Variants in TAF3 observed in about 807,000 individuals in gnomAD.
The protein encoded by TAF3 is TATA-box binding protein associated factor 3.
TAF3 carries 7 observed loss-of-function variants against 80.6 expected under a neutral mutation model. That is an observed-to-expected ratio of 0.09 (90% CI 0.05 to 0.16). The LOEUF is 0.16. Ranked by LOEUF, TAF3 falls within the 10% of genes least tolerant of loss-of-function variation. The pLI is 1.00. For missense variants in TAF3, 921 were observed against 1,140.2 expected (o/e 0.81, Z 2.77); for synonymous variants, 444 against 446.1 (o/e 1.00, Z 0.06).
intron 3 of TAF3, among the ~76,000 whole-genome samples, chr10:7,976,724 A>G (rs1831677115): frequency 6.6e-6 from 1 of 152,068 alleles, no homozygotes; most frequent in Admixed American, 6.5e-5. Context: ...CTTTTACAGC[A>G]TTTCAGATTG....
chr10:7,952,739 G>T (rs1223648459), intron 2 of TAF3, among the ~76,000 whole-genome samples: 1 of 152,052 alleles, frequency 6.6e-6, no homozygotes, highest in Non-Finnish European at 1.5e-5. Flanking sequence ...TTGTGTTATT[G>T]ATTGGTTGTA....
At chr10:7,832,058 A>G (rs1217969736) in intron 2 of TAF3, among the ~76,000 whole-genome samples, 3 of 151,968 alleles carry the variant, frequency 2.0e-5, no homozygotes, top group East Asian at 1.9e-4. Context: ...TTTAAAACTT[A>G]CTCTCTTAAT....
intron 2 of TAF3, among the ~76,000 whole-genome samples, chr10:7,859,467 AG>A: frequency 6.6e-6 from 1 of 152,144 alleles, no homozygotes; most frequent in Non-Finnish European, 1.5e-5. Flanking sequence ...GGAGAATAGT[AG>A]GGACCCATAT....
rs770740115 is a variant in TAF3 at position 7,963,891 on chromosome 10, TTTTTTCTTCC to T, written c.410-15_410-6del. On this transcript the variant is annotated intron_variant, in intron 2 of 6. Transcript: ENST00000344293. ...TTTGTTACATTCCAATAATATTTAT[TTTTTTCTTCC>T]TTTTTCTTCCTTTACCAGAAGAAGA... The T allele has an allele frequency of 7.9e-6, 12 of 1,514,864 alleles. No homozygotes were observed. In the South Asian group the frequency reaches 9.7e-5, roughly 12 times the overall value. The allele number at this position is 1,514,864 out of a possible 1,614,324, so 93.8% of individuals were successfully genotyped here. A position where few individuals can be genotyped will look rare whatever the true frequency, so the allele number is the denominator to read the frequency against.
chr10:7,957,792 GCGCTCTCTCTCTCTCT>G lies in TAF3; in HGVS notation c.410-6126_410-6111del, dbSNP rs1258686696. Among the ~76,000 whole-genome samples, 15 of 134,288 alleles carry G rather than the reference GCGCTCTCTCTCTCTCT, an allele frequency of 1.1e-4. No individual in the cohort carries two copies. In the East Asian group the frequency reaches 2.4e-3, roughly 21 times the overall value. The allele number at this position is 134,288 out of a possible 152,430, so 88.1% of individuals were successfully genotyped here. Reference sequence around the variant, plus strand: ...CTGTCTGTCTCACGCTCTCTCTAGCGCGCTCTCTCTCTCTCTCTCTCTCTCTCTCTCTCTCGATGTT... The same window carrying G: ...CTGTCTGTCTCACGCTCTCTCTAGCGCTCTCTCTCTCTCTCTCTCGATGTT... On this transcript the variant is annotated intron_variant, in intron 2 of 6. Transcript: ENST00000344293.
At chr10:7,906,907 CTT>C (rs1484448131) in intron 2 of TAF3, among the ~76,000 whole-genome samples, 1 of 151,638 alleles carries the variant, frequency 6.6e-6, no homozygotes, top group Non-Finnish European at 1.5e-5. Context: ...CTGTTGGTCT[CTT>C]TTTGCCTCTT....
chr10:7,854,348 G>C (rs1184421801), intron 2 of TAF3, among the ~76,000 whole-genome samples: 1 of 152,156 alleles, frequency 6.6e-6, no homozygotes, highest in Admixed American at 6.5e-5. Context: ...AAGATAACTG[G>C]AAGGAATTAT....
At chr10:7,976,312 T>C (rs1187136778) in intron 3 of TAF3, among the ~76,000 whole-genome samples, 2 of 151,258 alleles carry the variant, frequency 1.3e-5, no homozygotes, top group Non-Finnish European at 2.9e-5. Context: ...AGTGGCACAA[T>C]CTCAGCTCAC....
At chr10:7,947,942 G>A (rs1204875724) in intron 2 of TAF3, among the ~76,000 whole-genome samples, 1 of 152,176 alleles carries the variant, frequency 6.6e-6, no homozygotes, top group Non-Finnish European at 1.5e-5. Flanking sequence ...CCCATGTACA[G>A]ACAGGAAATG....
chr10:7,981,807 CT>C (rs144990815), intron 4 of TAF3, among the ~76,000 whole-genome samples: 2,296 of 152,250 alleles, frequency 0.015, 61 homozygotes, highest in African/African-American at 0.052. Flanking sequence ...CAGAGTTTAA[CT>C]TAAGCCTTGT....
chr10:7,935,932 C>T (rs1837915202), intron 2 of TAF3, among the ~76,000 whole-genome samples: 1 of 152,092 alleles, frequency 6.6e-6, no homozygotes, highest in African/African-American at 2.4e-5. Context: ...CTCGGGGAAG[C>T]CCTGCGTGGA....
intron 2 of TAF3, among the ~76,000 whole-genome samples, chr10:7,833,125 A>T (rs1332104373): frequency 6.6e-6 from 1 of 152,230 alleles, no homozygotes; most frequent in African/African-American, 2.4e-5. Flanking sequence ...CACTTAGGTT[A>T]TTTCTGTAAC....
intron 2 of TAF3, among the ~76,000 whole-genome samples, chr10:7,824,930 C>A (rs757566385): frequency 5.3e-5 from 8 of 152,208 alleles, no homozygotes; most frequent in Non-Finnish European, 8.8e-5. Flanking sequence ...GCTTATTATT[C>A]AGGCCATGAG....
intron 2 of TAF3, among the ~76,000 whole-genome samples, chr10:7,845,318 G>A (rs11255398): frequency 0.18 from 26,095 of 142,216 alleles, 2,286 homozygotes; most frequent in Admixed American, 0.24. Context: ...GTGTGTGTGC[G>A]TGTGTGTGTG....
At chr10:8,007,569 T>TAG (rs1832007567) in intron 4 of TAF3, among the ~76,000 whole-genome samples, 2 of 18,520 alleles carry the variant, frequency 1.1e-4, no homozygotes, top group Non-Finnish European at 3.1e-4. Flanking sequence ...AAATTATATA[T>TAG]ATATATATAT....
intron 2 of TAF3, among the ~76,000 whole-genome samples, chr10:7,920,185 C>T (rs1837748889): frequency 6.6e-6 from 1 of 151,914 alleles, no homozygotes; most frequent in East Asian, 1.9e-4. Flanking sequence ...TGCAGGTGAT[C>T]GAGGCTGCAA....
chr10:7,914,239 G>A (rs1837684430), intron 2 of TAF3, among the ~76,000 whole-genome samples: 1 of 152,162 alleles, frequency 6.6e-6, no homozygotes, highest in Admixed American at 6.5e-5. Flanking sequence ...TTACTTACTG[G>A]TGAAATAATC....
chr10:7,965,435 G>A lies in TAF3; in HGVS notation c.1925G>A (p.Gly642Asp), dbSNP rs779618367. The change falls in exon 3 of 7, where the codon GGC becomes GAC. Residue 642 changes from glycine to aspartate, a missense_variant. Physicochemically the swap from Gly to Asp is moderately conservative, Grantham distance 94. Coordinates refer to ENST00000344293, the MANE Select transcript of TAF3 (RefSeq NM_031923.4). ...KREKEKVKDK[G>D]REDKMKAPAP... ...GAGAAAGAAAAAGTGAAAGATAAAG[G>A]CAGAGAAGATAAGATGAAAGCCCCA... The A allele has an allele frequency of 6.2e-7, 1 of 1,613,576 alleles. No individual in the cohort carries two copies. The highest frequency in any genetic ancestry group is 8.5e-7 in the Non-Finnish European group (1 of 1,179,924).
chr10:7,830,840 T>C (rs1242327199), intron 2 of TAF3, among the ~76,000 whole-genome samples: 2 of 152,196 alleles, frequency 1.3e-5, no homozygotes, highest in African/African-American at 4.8e-5. Flanking sequence ...TGTCTTACAG[T>C]TTATTTGTTA....
Sources: allele counts gnomAD v4.1 joint callset (sites outside exome capture counted in the v4.1 genomes callset), GRCh38; gene constraint gnomAD v4.1.1; transcripts MANE v1.5; gene names NCBI Gene and HGNC (gene_info 2026-07-23, HGNC 2026-07-21).